Variants in ROCK1 observed in about 807,000 individuals in gnomAD.
ROCK1 encodes the protein rho-associated protein kinase 1.
In ROCK1, 36 loss-of-function variants were observed where a neutral mutation model predicts 196.8. That is an observed-to-expected ratio of 0.18 (90% CI 0.14 to 0.24). ROCK1 has a LOEUF of 0.24. Among genes scored for constraint, ROCK1 ranks in the 10% least tolerant of loss-of-function variants. ROCK1 has a pLI of 1.00. For synonymous variants in ROCK1, 443 were observed against 515.9 expected (o/e 0.86, Z 1.91); for missense variants, 920 against 1,562.0 (o/e 0.59, Z 6.93).
chr18:20,987,044 A>G lies in ROCK1; in HGVS notation c.2210T>C (p.Ile737Thr), dbSNP rs1430634327. Reference sequence around the variant, plus strand: ...GTCTAGCATGGAACACTGTTTCTCAATCTGAACAACCCGATTTTCAGCCTT... The same window carrying G: ...GTCTAGCATGGAACACTGTTTCTCAGTCTGAACAACCCGATTTTCAGCCTT... ...REKAENRVVQ[I>T]EKQCSMLDVD... is the part of the protein sequence containing the mutation. Residue 737 changes from isoleucine to threonine, a missense_variant, in exon 19 of 33, where the codon ATT becomes ACT. Around this residue, in one of 6 missense-constraint regions of ROCK1, gnomAD observed 520 missense variants for 657.1 expected, o/e 0.79. Transcript: ENST00000399799. 3.7e-6 allele frequency: 6 copies of G among 1,613,092 alleles called. No individual in the cohort carries two copies. In the African/African-American group the frequency reaches 4.0e-5, roughly 11 times the overall value.
chr18:21,081,465 G>A (rs531144647), intron 1 of ROCK1, among the ~76,000 whole-genome samples: 1 of 151,992 alleles, frequency 6.6e-6, no homozygotes, highest in South Asian at 2.1e-4. Context: ...TAAGGAACTA[G>A]AAAAAGAAAA....
chr18:21,070,479 T>A, intron 2 of ROCK1, 53 bp downstream of exon 2: 1 of 936,364 alleles, frequency 1.1e-6, no homozygotes, highest in South Asian at 1.6e-5. Flanking sequence ...ATGACATAAG[T>A]GAAAATGTAG....
intron 1 of ROCK1, among the ~76,000 whole-genome samples, chr18:21,076,457 T>A (rs1394732453): frequency 2.6e-5 from 4 of 152,134 alleles, no homozygotes; most frequent in Non-Finnish European, 5.9e-5. Context: ...TGAGCCGAGA[T>A]CGTGCCACTG....
At chr18:20,958,260 C>T (rs1307438301) in intron 29 of ROCK1, among the ~76,000 whole-genome samples, 1 of 151,902 alleles carries the variant, frequency 6.6e-6, no homozygotes, top group African/African-American at 2.4e-5. Context: ...CTAGAACTTG[C>T]TTAATTCTTT....
Position 20,951,231 on chromosome 18 carries a change from T to C in ROCK1, c.*153A>G. 1 of 576,882 alleles carries C rather than the reference T, an allele frequency of 1.7e-6. No individual in the cohort carries two copies. The highest frequency in any genetic ancestry group is 3.4e-5 in the Admixed American group (1 of 29,848). The allele number at this position is 576,882 out of a possible 1,614,324, so 35.7% of individuals were successfully genotyped here. A position where few individuals can be genotyped will look rare whatever the true frequency, so the allele number is the denominator to read the frequency against. On this transcript the variant is annotated 3_prime_UTR_variant, in exon 33 of 33. Coordinates refer to ENST00000399799, the MANE Select transcript of ROCK1 (RefSeq NM_005406.3). ...CGCAATAAAAAAAACCCTCAGTGTG[T>C]TGTGCCAAAGCAAGGACAGAAAAAC...
rs1279079026 is a variant in ROCK1, at chr18:21,093,505, AG to A, written c.93+17312del. Among the ~76,000 whole-genome samples, 5 of 152,298 alleles carry A rather than the reference AG, an allele frequency of 3.3e-5. No individual in the cohort carries two copies. The East Asian group carries it at 9.6e-4, about 29-fold the overall frequency. The stretch of plus-strand genomic sequence containing the variant: ...GATTGAGAAAACTGCACTTTAGAAG[AG>A]TGTATATGACTTCTCTAAGGACAAA... On this transcript the variant is annotated intron_variant, in intron 1 of 32. Transcript: ENST00000399799.
chr18:21,001,029 T>C (rs1488165051), intron 16 of ROCK1, among the ~76,000 whole-genome samples: 2 of 152,236 alleles, frequency 1.3e-5, no homozygotes, highest in African/African-American at 2.4e-5. Context: ...CTGTTATATG[T>C]ATATCATCAA....
chr18:21,091,053 T>A (rs1255537138), intron 1 of ROCK1, among the ~76,000 whole-genome samples: 1 of 130,302 alleles, frequency 7.7e-6, no homozygotes, highest in African/African-American at 3.1e-5. Context: ...TATGTGGATT[T>A]TTTTTTTCAA....
At chr18:20,992,411 C>T (rs2035634269) in intron 17 of ROCK1, among the ~76,000 whole-genome samples, 1 of 152,156 alleles carries the variant, frequency 6.6e-6, no homozygotes, top group African/African-American at 2.4e-5. Context: ...AGGCCAATCA[C>T]TTTATGCTCT....
intron 19 of ROCK1, 132 bp from the exon 20 acceptor site, chr18:20,984,667 G>T: frequency 3.2e-6 from 2 of 632,150 alleles, no homozygotes; most frequent in Non-Finnish European, 2.6e-6. Flanking sequence ...ATTTTAAAGA[G>T]TCTTCATTGT....
chr18:21,038,022 A>C (rs760344724), intron 9 of ROCK1, among the ~76,000 whole-genome samples: 2 of 152,184 alleles, frequency 1.3e-5, no homozygotes, highest in Non-Finnish European at 2.9e-5. Flanking sequence ...TTTGAAAAAG[A>C]ATTTAAAGCA....
chr18:21,080,901 T>A (rs1384786078), intron 1 of ROCK1, among the ~76,000 whole-genome samples: 3 of 152,258 alleles, frequency 2.0e-5, no homozygotes, highest in African/African-American at 7.2e-5. Context: ...AAGAAATACA[T>A]AGTTCTACAA....
chr18:21,031,772 C>T (rs1251527959), intron 9 of ROCK1, among the ~76,000 whole-genome samples: 1 of 151,808 alleles, frequency 6.6e-6, no homozygotes, highest in African/African-American at 2.4e-5. Context: ...GAAAAAATAT[C>T]ATGAAAGAGA....
intron 11 of ROCK1, among the ~76,000 whole-genome samples, chr18:21,021,336 A>G (rs2035911320): frequency 6.6e-6 from 1 of 152,170 alleles, no homozygotes; most frequent in African/African-American, 2.4e-5. Flanking sequence ...TTACCTACAG[A>G]GAAAGAGCAG....
At chr18:21,079,212 C>T (rs1482232299) in intron 1 of ROCK1, among the ~76,000 whole-genome samples, 1 of 152,168 alleles carries the variant, frequency 6.6e-6, no homozygotes, top group African/African-American at 2.4e-5. Context: ...ACCGGAACTG[C>T]TTCCCTTCCT....
At position 21,076,672 on chromosome 18, in the gene ROCK1, TACACACACACAC is replaced by T. The variant is rs112541303; in HGVS notation, c.94-6071_94-6060del. 9.0e-3 allele frequency among the ~76,000 whole-genome samples: 1,310 copies of T among 146,248 alleles called. 13 individuals carry two copies. Among genetic ancestry groups the T allele is most frequent in the African/African-American group, 0.032 (1,249 of 39,492 alleles). ...CAAGTGATCCTCCCCTCTTGGTACA[TACACACACACAC>T]ACACACACACACACACACACAGAGC... On this transcript the variant is annotated intron_variant, in intron 1 of 32. Coordinates refer to ENST00000399799, the MANE Select transcript of ROCK1 (RefSeq NM_005406.3).
chr18:20,998,999 A>G (rs574709667), intron 16 of ROCK1, among the ~76,000 whole-genome samples: 1 of 152,288 alleles, frequency 6.6e-6, no homozygotes, highest in Admixed American at 6.5e-5. Flanking sequence ...AACTCATTCT[A>G]CAAGGCCAGT....
At chr18:21,067,302 G>A (rs1022275333) in intron 2 of ROCK1, among the ~76,000 whole-genome samples, 1 of 147,598 alleles carries the variant, frequency 6.8e-6, no homozygotes, top group Non-Finnish European at 1.5e-5. Flanking sequence ...TGTTACACTT[G>A]TTTATATATT....
intron 29 of ROCK1, among the ~76,000 whole-genome samples, chr18:20,959,070 T>G (rs1402289210): frequency 2.5e-5 from 1 of 40,216 alleles, no homozygotes; most frequent in Non-Finnish European, 3.6e-5. Context: ...TATTTTATAT[T>G]ATATAATATA....
Sources: gnomAD v4.1 joint callset for allele counts (sites outside exome capture counted in the v4.1 genomes callset) on GRCh38, gnomAD v4.1.1 for gene constraint, gnomAD v4.1.1 regional missense constraint, MANE v1.5 for transcripts, NCBI Gene and HGNC (gene_info 2026-07-23, HGNC 2026-07-21) for gene names.